Variants in RCBTB2 observed in about 807,000 individuals in gnomAD.
RCBTB2 encodes the protein RCC1 and BTB domain containing protein 2.
Under a neutral mutation model 65.4 loss-of-function variants are expected in RCBTB2, and 55 were observed. That is an observed-to-expected ratio of 0.84 (90% CI 0.68 to 1.05). RCBTB2 has a LOEUF of 1.05. RCBTB2 is among the 50% of genes least tolerant of loss of function. The pLI, the probability that RCBTB2 is intolerant of heterozygous loss-of-function variation, is 0.00. For synonymous variants in RCBTB2, 220 were observed against 255.2 expected (o/e 0.86, Z 1.31); for missense variants, 599 against 680.1 (o/e 0.88, Z 1.33).
At chr13:48,515,944 G>A (rs1951063923) in intron 4 of RCBTB2, among the ~76,000 whole-genome samples, 1 of 152,230 alleles carries the variant, frequency 6.6e-6, no homozygotes, top group African/African-American at 2.4e-5. Flanking sequence ...AGGCCCGGAT[G>A]GAACCAGGTC....
At chr13:48,532,815 T>G (rs1030518572) in intron 1 of RCBTB2, 1 of 338,306 alleles carries the variant, frequency 3.0e-6, no homozygotes, top group African/African-American at 2.3e-5. Flanking sequence ...AACCTAGCTC[T>G]TAACTCCCGC....
chr13:48,520,798 ATATT>A (rs1398232668), intron 4 of RCBTB2, among the ~76,000 whole-genome samples: 1 of 152,150 alleles, frequency 6.6e-6, no homozygotes, highest in East Asian at 1.9e-4. Flanking sequence ...AAAATACAGT[ATATT>A]TAAAGAGAAT....
chr13:48,496,374 CA>C (rs1949971540), intron 13 of RCBTB2, 53 bp from the exon 14 acceptor site: 8 of 1,470,638 alleles, frequency 5.4e-6, no homozygotes, highest in Non-Finnish European at 7.3e-6. Context: ...TCCTGATTTA[CA>C]GTTGCTCACT....
At chr13:48,528,095 C>G (rs951364903) in intron 1 of RCBTB2, among the ~76,000 whole-genome samples, 14 of 152,060 alleles carry the variant, frequency 9.2e-5, no homozygotes, top group Non-Finnish European at 4.4e-5. Flanking sequence ...TAATTCAGTG[C>G]CTGCAGTAGG....
At chr13:48,524,970 A>AT in intron 1 of RCBTB2, among the ~76,000 whole-genome samples, 1 of 152,256 alleles carries the variant, frequency 6.6e-6, no homozygotes, top group Middle Eastern at 3.4e-3. Context: ...ATCATACTTT[A>AT]TAAGCTTCAG....
Position 48,512,797 on chromosome 13 carries a change from A to G in RCBTB2, c.448T>C (p.Ser150Pro). Residue 150 changes from serine to proline, a missense_variant, in exon 7 of 15, where the codon TCA becomes CCA. Ser to Pro is a moderately conservative substitution (Grantham distance 74). Coordinates refer to ENST00000344532, the MANE Select transcript of RCBTB2 (RefSeq NM_001268.4). ...LVPCHISTNL[S>P]NKQVIEVACG... ...GCAACTTCAATGACTTGTTTGTTTG[A>G]CAGATTAGTAGAGATATGACAGGGC... 1.9e-6 allele frequency: 3 copies of G among 1,614,020 alleles called. No homozygotes were observed. Among genetic ancestry groups the G allele is most frequent in the Non-Finnish European group, 2.5e-6 (3 of 1,179,876 alleles).
chr13:48,524,831 T>G (rs1486581764), intron 1 of RCBTB2, 74 bp from the exon 2 acceptor site: 3 of 152,196 alleles, frequency 2.0e-5, no homozygotes, highest in African/African-American at 4.8e-5. Context: ...CTTGCACATT[T>G]AACAATCCAT....
intron 10 of RCBTB2, among the ~76,000 whole-genome samples, chr13:48,507,588 A>G (rs1950569144): frequency 6.6e-6 from 1 of 152,248 alleles, no homozygotes; most frequent in Non-Finnish European, 1.5e-5. Context: ...GAAAAAGCAG[A>G]GAGTGAGAAA....
chr13:48,517,342 T>C (rs902378184), intron 4 of RCBTB2, among the ~76,000 whole-genome samples: 3 of 152,180 alleles, frequency 2.0e-5, no homozygotes, highest in South Asian at 2.1e-4. Context: ...CATTTCCAGA[T>C]TCACAGCCCT....
intron 14 of RCBTB2, 130 bp downstream of exon 14, chr13:48,496,058 CTCT>C (rs1242253381): frequency 5.1e-6 from 4 of 787,974 alleles, no homozygotes; most frequent in African/African-American, 3.6e-5. Flanking sequence ...TTGTCTAGTA[CTCT>C]TGTTACTTCA....
chr13:48,515,088 G>A (rs1208940994), intron 6 of RCBTB2, 117 bp downstream of exon 6: 3 of 917,608 alleles, frequency 3.3e-6, no homozygotes, highest in South Asian at 1.7e-5. Context: ...CATGTTTTAT[G>A]GTATCCAAAA....
chr13:48,524,134 A>G (rs544186168), intron 2 of RCBTB2, among the ~76,000 whole-genome samples: 2 of 152,166 alleles, frequency 1.3e-5, no homozygotes, highest in African/African-American at 2.4e-5. Context: ...CATTATTTCA[A>G]TGTGATGCAT....
rs1055094908 is a variant in RCBTB2 at position 48,499,911 on chromosome 13, A to G, written c.1245-151T>C. On this transcript the variant is annotated intron_variant, in intron 12 of 14. Transcript: ENST00000344532. ...TGCTGGCCAGGGTTTTCAAACAATC[A>G]TCTATTCAGCAAGGCTGTATATACA... 5 of 934,820 alleles carry G rather than the reference A, an allele frequency of 5.3e-6. No individual in the cohort carries two copies. The Admixed American group carries it at 1.1e-4, about 20-fold the overall frequency. The allele number at this position is 934,820 out of a possible 1,614,324, so 57.9% of individuals were successfully genotyped here. A position where few individuals can be genotyped will look rare whatever the true frequency, so the allele number is the denominator to read the frequency against.
chr13:48,510,591 A>G (rs556283636), intron 10 of RCBTB2, 38 bp downstream of exon 10: 1 of 1,604,872 alleles, frequency 6.2e-7, no homozygotes, highest in East Asian at 2.2e-5. Context: ...CACAATCACC[A>G]AAGACCAGTG....
chr13:48,492,688 T>G (rs1199050883), intron 14 of RCBTB2: 1 of 150,874 alleles, frequency 6.6e-6, no homozygotes, highest in Admixed American at 6.6e-5. Flanking sequence ...CTGTTTCGCT[T>G]TCTTTCCCAG....
At chr13:48,515,388 T>C (rs1951028242) in intron 5 of RCBTB2, 33 bp from the exon 6 acceptor site, 3 of 1,594,962 alleles carry the variant, frequency 1.9e-6, no homozygotes, top group East Asian at 2.2e-5. Context: ...TTCAAGCAGT[T>C]CTATTTCTAA....
chr13:48,533,654 G>A (rs941805478), upstream of RCBTB2, among the ~76,000 whole-genome samples: 1 of 152,114 alleles, frequency 6.6e-6, no homozygotes, highest in Non-Finnish European at 1.5e-5. Flanking sequence ...GGGGCCAAGG[G>A]CTTCGAAAAC....
At chr13:48,515,077 T>C (rs1286480475) in intron 6 of RCBTB2, 128 bp downstream of exon 6, 1 of 842,506 alleles carries the variant, frequency 1.2e-6, no homozygotes, top group East Asian at 2.5e-5. Flanking sequence ...TCAGATACAT[T>C]CATGTTTTAT....
At chr13:48,515,777 T>TA (rs1329506488) in intron 4 of RCBTB2, 36 bp from the exon 5 acceptor site, 1 of 1,577,356 alleles carries the variant, frequency 6.3e-7, no homozygotes, top group East Asian at 2.3e-5. Flanking sequence ...AATGACAAAT[T>TA]AAAAAGTGAA....
Sources: gnomAD v4.1 joint callset for allele counts (sites outside exome capture counted in the v4.1 genomes callset) on GRCh38, gnomAD v4.1.1 for gene constraint, MANE v1.5 for transcripts, NCBI Gene and HGNC (gene_info 2026-07-23, HGNC 2026-07-21) for gene names.